KCTD10: variants seen among roughly 807,000 people sequenced by gnomAD.
The protein encoded by KCTD10 is potassium channel tetramerization domain containing 10.
A neutral mutation model predicts 34.6 loss-of-function variants in KCTD10; 13 were observed. The ratio of observed to expected loss-of-function variants is 0.38; its 90% CI spans 0.24 to 0.60. KCTD10 has a LOEUF of 0.60. KCTD10 is among the 20% of genes least tolerant of loss of function. The pLI, the probability that KCTD10 is intolerant of heterozygous loss-of-function variation, is 0.66. For missense variants in KCTD10, 256 were observed against 420.3 expected (o/e 0.61, Z 3.42); for synonymous variants, 156 against 168.8 (o/e 0.92, Z 0.59).
rs200238297 is a variant in KCTD10 at position 109,451,548 on chromosome 12, C to G, written c.*47G>C. 1.3e-4 allele frequency: 194 copies of G among 1,545,472 alleles called. No individual in the cohort carries two copies. In the African/African-American group the frequency reaches 2.1e-3, roughly 17 times the overall value. On this transcript the variant is annotated 3_prime_UTR_variant, in exon 7 of 7. Transcript: ENST00000228495. The surrounding 1 kb of genome is among the most constrained non-coding windows in gnomAD (Gnocchi z 5.0). Reference sequence around the variant, plus strand: ...TGCACAGGATCTGGGTGTAGCACGGCAGGGAGTGGGGGCGGTGAGAGGAGG... The same window carrying G: ...TGCACAGGATCTGGGTGTAGCACGGGAGGGAGTGGGGGCGGTGAGAGGAGG...
chr12:109,469,290 G>A lies in KCTD10; in HGVS notation c.217+225C>T, dbSNP rs1382136898. 7.1e-6 allele frequency: 4 copies of A among 565,218 alleles called. No homozygotes were observed. In the African/African-American group the frequency reaches 7.5e-5, roughly 11 times the overall value. The allele number at this position is 565,218 out of a possible 1,614,324, so 35.0% of individuals were successfully genotyped here. A position where few individuals can be genotyped will look rare whatever the true frequency, so the allele number is the denominator to read the frequency against. ...CTCCCCCAGGCTTGAGTTTCACTCTGAAGTCACAGAAGCATGGCAGAGATA... is the reference window on the plus strand; with the variant it reads ...CTCCCCCAGGCTTGAGTTTCACTCTAAAGTCACAGAAGCATGGCAGAGATA... On this transcript the variant is annotated intron_variant, in intron 2 of 6. Transcript: ENST00000228495.
In KCTD10 at chr12:109,469,728, C is replaced by T. The variant is rs780261673; in HGVS notation, c.4G>A (p.Glu2Lys). 27 of 1,614,038 alleles carry T rather than the reference C, an allele frequency of 1.7e-5. No individual in the cohort carries two copies. Among genetic ancestry groups the T allele is most frequent in the Non-Finnish European group, 2.3e-5 (27 of 1,180,036 alleles). ...ACCACACTTTCTCCTGACATCTCTTCCTGCCAGTGGAGAGGATACAGGGTC... is the reference window on the plus strand; with the variant it reads ...ACCACACTTTCTCCTGACATCTCTTTCTGCCAGTGGAGAGGATACAGGGTC... MEEMSGESVVSS... is the reference protein window; with the variant it reads MKEMSGESVVSS... Residue 2 changes from glutamate (E) to lysine (K), a missense_variant and splice_region_variant, in exon 2 of 7, where the codon GAA becomes AAA. Physicochemically the swap from Glu to Lys is moderately conservative, Grantham distance 56 (BLOSUM62 1). Transcript: ENST00000228495.
rs757297003 is a variant in KCTD10, at chr12:109,458,034, G to T, written c.432C>A (p.Thr144=). The part of the protein sequence containing the change: ...YEPFCKVPVI[T]SSKEEQKLIA... The stretch of plus-strand genomic sequence containing the variant: ...TAAGTTTTTGTTCTTCCTTGGATGA[G>T]GTGATCACAGGGACCTTGCAGAAAG... Residue 144 remains threonine, a synonymous_variant, in exon 4 of 7, where the codon ACC becomes ACA. Transcript: ENST00000228495. 4 of 1,614,152 alleles carry T rather than the reference G, an allele frequency of 2.5e-6. No individual in the cohort carries two copies. The highest frequency in any genetic ancestry group is 3.4e-6 in the Non-Finnish European group (4 of 1,179,982).
Position 109,451,763 on chromosome 12 carries a change from C to A in KCTD10, c.774G>T (p.Leu258=). Residue 258 remains leucine, a synonymous_variant, in exon 7 of 7, where the codon CTG becomes CTT. Coordinates refer to ENST00000228495, the MANE Select transcript of KCTD10 (RefSeq NM_031954.5). The surrounding 1 kb of genome is among the most constrained non-coding windows in gnomAD (Gnocchi z 5.0). ...RIYEETLNIL[L]YEAQDGRGPD... is the part of the protein sequence containing the mutation. ...GTCCCCGGCCATCCTGGGCCTCATA[C>A]AGCAAAATGTTCAGGGTCTCCTCAT... The A allele has an allele frequency of 6.2e-7, 1 of 1,614,148 alleles. No homozygotes were observed. Among genetic ancestry groups the A allele is most frequent in the Non-Finnish European group, 8.5e-7 (1 of 1,180,002 alleles).
rs572892759 is a variant in KCTD10, at chr12:109,450,580, C to G, written c.*1015G>C. On this transcript the variant is annotated 3_prime_UTR_variant, in exon 7 of 7. Coordinates refer to ENST00000228495, the MANE Select transcript of KCTD10 (RefSeq NM_031954.5). Reference sequence around the variant, plus strand: ...CTGGGGCTGGTGGTGTGAGGGTGTCCCTGCCTGGATGCCAGGCTGGGAGGA... The same window carrying G: ...CTGGGGCTGGTGGTGTGAGGGTGTCGCTGCCTGGATGCCAGGCTGGGAGGA... The G allele has an allele frequency of 3.3e-5, 13 of 392,424 alleles. No individual in the cohort carries two copies. Among genetic ancestry groups the G allele is most frequent in the Non-Finnish European group, 5.8e-5 (13 of 222,758 alleles). The allele number at this position is 392,424 out of a possible 1,614,324, so 24.3% of individuals were successfully genotyped here. A position where few individuals can be genotyped will look rare whatever the true frequency, so the allele number is the denominator to read the frequency against.
rs1246140028 is a variant in KCTD10, at chr12:109,460,707, C to G, written c.316G>C (p.Glu106Gln). Residue 106 changes from glutamate (E) to glutamine (Q), a missense_variant, in exon 3 of 7, where the codon GAG (glutamate) becomes CAG (glutamine). Physicochemically the swap from Glu to Gln is conservative, Grantham distance 29. Transcript: ENST00000228495. The surrounding 1 kb of genome is among the most constrained non-coding windows in gnomAD (Gnocchi z 4.5). ...VPLPESRREIEELLAEAKYYL... is the reference protein window; with the variant it reads ...VPLPESRREIQELLAEAKYYL... Reference sequence around the variant, plus strand: ...TACTTGGCTTCTGCTAGCAGCTCCTCGATCTCCCGGCGGCTCTCGGGTAAA... The same window carrying G: ...TACTTGGCTTCTGCTAGCAGCTCCTGGATCTCCCGGCGGCTCTCGGGTAAA... The G allele has an allele frequency of 1.2e-6, 2 of 1,614,162 alleles. No homozygotes were observed. The highest frequency in any genetic ancestry group is 8.5e-7 in the Non-Finnish European group (1 of 1,180,020).
At chr12:109,467,009 C>A (rs923469124) in intron 2 of KCTD10, among the ~76,000 whole-genome samples, 3 of 152,224 alleles carry the variant, frequency 2.0e-5, no homozygotes, top group South Asian at 2.1e-4. Flanking sequence ...CTGCCAGACA[C>A]AGACAACAGC....
rs776603313 is a variant in KCTD10, at chr12:109,449,950, T to A, written c.*1645A>T. On this transcript the variant is annotated 3_prime_UTR_variant, in exon 7 of 7. Coordinates refer to ENST00000228495, the MANE Select transcript of KCTD10 (RefSeq NM_031954.5). ...GACAGTTTAAAAAGCATCTGCCCAA[T>A]ACACGATTTTGACATTCAGTCATGA... 11 of 238,770 alleles carry A rather than the reference T, an allele frequency of 4.6e-5. No homozygotes were observed. The highest frequency in any genetic ancestry group is 8.0e-5 in the Non-Finnish European group (10 of 125,058). The allele number at this position is 238,770 out of a possible 1,614,324, so 14.8% of individuals were successfully genotyped here.
chr12:109,460,446 G>A lies in KCTD10; in HGVS notation c.387+190C>T, dbSNP rs890631682. 1.3e-5 allele frequency: 8 copies of A among 592,592 alleles called. No homozygotes were observed. The South Asian group carries it at 1.6e-4, about 12-fold the overall frequency. The allele number at this position is 592,592 out of a possible 1,614,324, so 36.7% of individuals were successfully genotyped here. A position where few individuals can be genotyped will look rare whatever the true frequency, so the allele number is the denominator to read the frequency against. ...GCAAGGAGTGACACAGTAGTTAGGTGGCCTGCTGTTCCAGGGAGGCCTCTC... is the reference window on the plus strand; with the variant it reads ...GCAAGGAGTGACACAGTAGTTAGGTAGCCTGCTGTTCCAGGGAGGCCTCTC... On this transcript the variant is annotated intron_variant, in intron 3 of 6. Transcript: ENST00000228495. The surrounding 1 kb of genome is among the most constrained non-coding windows in gnomAD (Gnocchi z 4.5).
rs576651219 is a variant in KCTD10 at position 109,465,447 on chromosome 12, C to T, written c.217+4068G>A. 1.1e-4 allele frequency among the ~76,000 whole-genome samples: 16 copies of T among 152,292 alleles called. No individual in the cohort carries two copies. The South Asian group carries it at 3.3e-3, about 32-fold the overall frequency. On this transcript the variant is annotated intron_variant, in intron 2 of 6. Coordinates refer to ENST00000228495, the MANE Select transcript of KCTD10 (RefSeq NM_031954.5). ...TGTGGTTCTCAATGCTGGTTGCACACTAGAATCACCCAGAGAGCTCTTCAA... is the reference window on the plus strand; with the variant it reads ...TGTGGTTCTCAATGCTGGTTGCACATTAGAATCACCCAGAGAGCTCTTCAA...
intron 2 of KCTD10, chr12:109,464,815 C>T: frequency 4.4e-6 from 2 of 456,000 alleles, no homozygotes; most frequent in South Asian, 3.1e-5. Context: ...TGGACAGTGC[C>T]AAGGGTTGGC....
chr12:109,466,812 C>G (rs1001827929), intron 2 of KCTD10, among the ~76,000 whole-genome samples: 3 of 152,266 alleles, frequency 2.0e-5, no homozygotes, highest in African/African-American at 7.2e-5. Context: ...CTGAGCTGCA[C>G]TTGGCATTTC....
intron 1 of KCTD10, among the ~76,000 whole-genome samples, chr12:109,475,807 C>A (rs1256544269): frequency 1.3e-5 from 2 of 152,218 alleles, no homozygotes; most frequent in Non-Finnish European, 2.9e-5. Flanking sequence ...TCTGCTGTTA[C>A]ATTTCAACTA....
rs1872667417 is a variant in KCTD10 at position 109,449,767 on chromosome 12, A to G, written c.*1828T>C. ...AATGGCTTTTCCATTTTCCTGGCCAACATTCACTTCGACTTTCTAAAAAAG... is the reference window on the plus strand; with the variant it reads ...AATGGCTTTTCCATTTTCCTGGCCAGCATTCACTTCGACTTTCTAAAAAAG... On this transcript the variant is annotated 3_prime_UTR_variant, in exon 7 of 7. Transcript: ENST00000228495. 1 of 151,480 alleles carries G rather than the reference A, an allele frequency of 6.6e-6. No homozygotes were observed. The highest frequency in any genetic ancestry group is 1.5e-5 in the Non-Finnish European group (1 of 67,852). The allele number at this position is 151,480 out of a possible 1,614,324, so 9.4% of individuals were successfully genotyped here.
chr12:109,469,432 G>T, intron 2 of KCTD10, 83 bp downstream of exon 2: 3 of 1,519,766 alleles, frequency 2.0e-6, no homozygotes, highest in South Asian at 2.5e-5. Flanking sequence ...TTCAGGTCTC[G>T]ACTTAAATGT....
In KCTD10 at chr12:109,451,520, G is replaced by T; in HGVS notation, c.*75C>A. The stretch of plus-strand genomic sequence containing the variant: ...CAAGGGAAGCAGAAGGGGCCCGGCA[G>T]CCTGCACAGGATCTGGGTGTAGCAC... On this transcript the variant is annotated 3_prime_UTR_variant, in exon 7 of 7. Coordinates refer to ENST00000228495, the MANE Select transcript of KCTD10 (RefSeq NM_031954.5). The surrounding 1 kb of genome is among the most constrained non-coding windows in gnomAD (Gnocchi z 5.0). 1 of 1,396,978 alleles carries T rather than the reference G, an allele frequency of 7.2e-7. No individual in the cohort carries two copies. 86.5% of individuals were successfully genotyped at this position (1,396,978 alleles called of 1,614,324 possible). A position where few individuals can be genotyped will look rare whatever the true frequency, so the allele number is the denominator to read the frequency against.
In KCTD10 at chr12:109,451,552, G is replaced by A; in HGVS notation, c.*43C>T. On this transcript the variant is annotated 3_prime_UTR_variant, in exon 7 of 7. Coordinates refer to ENST00000228495, the MANE Select transcript of KCTD10 (RefSeq NM_031954.5). This position sits in a 1 kb window ranked among gnomAD's most constrained non-coding sequence, Gnocchi z 5.0. ...CAGGATCTGGGTGTAGCACGGCAGG[G>A]AGTGGGGGCGGTGAGAGGAGGGCGG... 6.4e-7 allele frequency: 1 copy of A among 1,552,718 alleles called. No individual in the cohort carries two copies. Among genetic ancestry groups the A allele is most frequent in the Non-Finnish European group, 8.8e-7 (1 of 1,141,284 alleles).
In KCTD10 at chr12:109,450,351, G is replaced by A. The variant is rs959611271; in HGVS notation, c.*1244C>T. 4 of 353,228 alleles carry A rather than the reference G, an allele frequency of 1.1e-5. No homozygotes were observed. Among genetic ancestry groups the A allele is most frequent in the African/African-American group, 9.1e-5 (3 of 32,806 alleles). The allele number at this position is 353,228 out of a possible 1,614,324, so 21.9% of individuals were successfully genotyped here. A position where few individuals can be genotyped will look rare whatever the true frequency, so the allele number is the denominator to read the frequency against. Reference sequence around the variant, plus strand: ...CGCTGCGCCCAGCCGGGCTCCAGCAGGGGCCGCCACCTGTGCCCCACAAGC... The same window carrying A: ...CGCTGCGCCCAGCCGGGCTCCAGCAAGGGCCGCCACCTGTGCCCCACAAGC... On this transcript the variant is annotated 3_prime_UTR_variant, in exon 7 of 7. Transcript: ENST00000228495.
chr12:109,456,599 A>C (rs888036781), intron 5 of KCTD10: 58 of 447,142 alleles, frequency 1.3e-4, no homozygotes, highest in Non-Finnish European at 5.8e-5. Context: ...ATTGTGCTTG[A>C]GTGACAGCCT....
Sources: gnomAD v4.1 joint callset for allele counts (sites outside exome capture counted in the v4.1 genomes callset) on GRCh38, gnomAD v4.1.1 for gene constraint, Gnocchi (gnomAD v3.1) non-coding constraint, MANE v1.5 for transcripts, NCBI Gene and HGNC (gene_info 2026-07-23, HGNC 2026-07-21) for gene names.